DLG1: variants seen among roughly 807,000 people sequenced by gnomAD.
The protein encoded by DLG1 is disks large homolog 1.
Under a neutral mutation model 123.4 loss-of-function variants are expected in DLG1, and 42 were observed. The ratio of observed to expected loss-of-function variants is 0.34; its 90% CI spans 0.27 to 0.44. The LOEUF is 0.44. Among genes scored for constraint, DLG1 ranks in the 20% least tolerant of loss-of-function variants. The pLI, the probability that DLG1 is intolerant of heterozygous loss-of-function variation, is 1.00. For missense variants in DLG1, 942 were observed against 1,082.6 expected, an observed-to-expected ratio of 0.87 and a Z score of 1.82; for synonymous variants, 317 against 356.2, an observed-to-expected ratio of 0.89 and a Z score of 1.24.
chr3:197,049,447 C>T (rs1251043218), intron 24 of DLG1, among the ~76,000 whole-genome samples: 2 of 152,204 alleles, frequency 1.3e-5, no homozygotes, highest in African/African-American at 4.8e-5. Flanking sequence ...ATGAAAATCA[C>T]CTAAGAGTCT....
chr3:197,267,245 T>G (rs988665323), intron 4 of DLG1, among the ~76,000 whole-genome samples: 1 of 152,132 alleles, frequency 6.6e-6, no homozygotes, highest in Non-Finnish European at 1.5e-5. Context: ...ACAGGTCAAA[T>G]AGTTGCCAAG....
At chr3:197,092,645 C>T (rs965398415) in intron 14 of DLG1, among the ~76,000 whole-genome samples, 12 of 152,080 alleles carry the variant, frequency 7.9e-5, no homozygotes, top group African/African-American at 2.9e-4. Flanking sequence ...CCATCGTGTG[C>T]ACCAACATGC....
chr3:197,266,928 T>C (rs191919733), intron 4 of DLG1, among the ~76,000 whole-genome samples: 2 of 152,052 alleles, frequency 1.3e-5, no homozygotes, highest in Non-Finnish European at 2.9e-5. Context: ...ACGTCTAAAG[T>C]AGGTAAAAAC....
intron 14 of DLG1, among the ~76,000 whole-genome samples, chr3:197,099,522 C>T (rs937568584): frequency 3.9e-5 from 6 of 152,124 alleles, no homozygotes; most frequent in African/African-American, 1.2e-4. Context: ...TGTCATGAAA[C>T]GTATTAGGAC....
chr3:197,218,443 A>G (rs944239861), intron 4 of DLG1, among the ~76,000 whole-genome samples: 1 of 152,200 alleles, frequency 6.6e-6, no homozygotes, highest in Non-Finnish European at 1.5e-5. Flanking sequence ...AAGACAGCTT[A>G]AAATAGACTC....
rs751084251 is a variant in DLG1 at position 197,051,655 on chromosome 3, G to A, written c.2497C>T (p.Arg833Cys). 6.8e-6 allele frequency: 11 copies of A among 1,611,972 alleles called. No homozygotes were observed. The South Asian group carries it at 7.7e-5, about 11-fold the overall frequency. ...SMENIMEMNKRLTEEQARKTF... is the reference protein window; with the variant it reads ...SMENIMEMNKCLTEEQARKTF... ...TTTCTGGCTTGTTCTTCTGTTAGAC[G>A]CTTATTCATTTCCCTACGAAAATAA... The change falls in exon 24 of 25, where the codon CGT becomes TGT. Residue 833 changes from arginine to cysteine, a missense_variant. Physicochemically the swap from Arg to Cys is radical, Grantham distance 180. Coordinates refer to ENST00000667157, the MANE Select transcript of DLG1 (RefSeq NM_001366207.1).
chr3:197,234,241 C>T (rs1450048231), intron 4 of DLG1, among the ~76,000 whole-genome samples: 2 of 152,170 alleles, frequency 1.3e-5, no homozygotes, highest in Admixed American at 6.5e-5. Flanking sequence ...GCTCCCTGTC[C>T]AGTTCTAATA....
intron 4 of DLG1, among the ~76,000 whole-genome samples, chr3:197,215,310 A>G (rs1358990220): frequency 6.6e-6 from 1 of 152,242 alleles, no homozygotes; most frequent in East Asian, 1.9e-4. Context: ...GAATTTGTCA[A>G]TAAATGTGAC....
intron 3 of DLG1, among the ~76,000 whole-genome samples, chr3:197,290,338 A>G (rs1467134867): frequency 6.6e-6 from 1 of 152,228 alleles, no homozygotes; most frequent in African/African-American, 2.4e-5. Flanking sequence ...TGGATGCTAA[A>G]TATGGGTGGA....
At chr3:197,207,710 AG>A (rs1176782234) in intron 4 of DLG1, among the ~76,000 whole-genome samples, 1 of 147,900 alleles carries the variant, frequency 6.8e-6, no homozygotes, top group Non-Finnish European at 1.5e-5. Flanking sequence ...GCATATAAAT[AG>A]AAATTTGGTA....
intron 10 of DLG1, among the ~76,000 whole-genome samples, chr3:197,131,391 T>C (rs1782363458): frequency 6.6e-6 from 1 of 152,148 alleles, no homozygotes; most frequent in African/African-American, 2.4e-5. Context: ...ACTTTCGTAA[T>C]ACTCAAGTTG....
intron 4 of DLG1, among the ~76,000 whole-genome samples, chr3:197,213,392 T>C (rs1300764992): frequency 1.3e-5 from 2 of 152,202 alleles, no homozygotes; most frequent in Non-Finnish European, 2.9e-5. Context: ...AGATTAGTGG[T>C]ACCTGGTGGG....
At chr3:197,277,603 A>G (rs1183804174) in intron 4 of DLG1, among the ~76,000 whole-genome samples, 4 of 152,018 alleles carry the variant, frequency 2.6e-5, no homozygotes, top group Admixed American at 2.6e-4. Flanking sequence ...GGCCTCCAAA[A>G]GTGCTAGGAT....
At chr3:197,120,989 A>G (rs1168562218) in intron 11 of DLG1, among the ~76,000 whole-genome samples, 3 of 152,186 alleles carry the variant, frequency 2.0e-5, no homozygotes, top group African/African-American at 7.2e-5. Flanking sequence ...GAACCTCTAC[A>G]ATCACTAGCC....
chr3:197,195,284 C>T (rs991712541), intron 4 of DLG1, among the ~76,000 whole-genome samples: 1 of 148,686 alleles, frequency 6.7e-6, no homozygotes, highest in Non-Finnish European at 1.5e-5. Flanking sequence ...TTGCTCTTAT[C>T]AATGATTTAA....
chr3:197,205,126 C>T (rs1727829778), intron 4 of DLG1, among the ~76,000 whole-genome samples: 1 of 151,938 alleles, frequency 6.6e-6, no homozygotes, highest in Non-Finnish European at 1.5e-5. Context: ...TATACCTTAC[C>T]AATACTGGGA....
intron 4 of DLG1, among the ~76,000 whole-genome samples, chr3:197,214,006 C>T (rs1231486967): frequency 2.6e-5 from 4 of 151,988 alleles, no homozygotes; most frequent in South Asian, 2.1e-4. Context: ...GCAGCACAAA[C>T]AAAGAGAAAC....
At chr3:197,147,147 T>C (rs1167656755) in intron 6 of DLG1, among the ~76,000 whole-genome samples, 1 of 152,018 alleles carries the variant, frequency 6.6e-6, no homozygotes, top group South Asian at 2.1e-4. Flanking sequence ...AAAATAGATG[T>C]TGGCGTGGAT....
intron 3 of DLG1, among the ~76,000 whole-genome samples, chr3:197,288,191 C>A (rs1367436125): frequency 6.6e-6 from 1 of 151,660 alleles, no homozygotes. Flanking sequence ...TGGTGAAACC[C>A]TGTCTCTACT....
Sources: gnomAD v4.1 joint callset for allele counts (sites outside exome capture counted in the v4.1 genomes callset) on GRCh38, gnomAD v4.1.1 for gene constraint, MANE v1.5 for transcripts, NCBI Gene and HGNC (gene_info 2026-07-23, HGNC 2026-07-21) for gene names.